Variants in SMC4 observed in about 807,000 individuals in gnomAD.
SMC4 encodes structural maintenance of chromosomes 4.
Under a neutral mutation model 145.6 loss-of-function variants are expected in SMC4, and 87 were observed. That is an observed-to-expected ratio of 0.60 (90% CI 0.50 to 0.71). The LOEUF (loss-of-function observed/expected upper bound fraction) is 0.71. Ranked by LOEUF, SMC4 falls within the 30% of genes least tolerant of loss-of-function variation. SMC4 has a pLI of 0.00. For synonymous variants in SMC4, 558 were observed against 500.7 expected (o/e 1.11, Z -1.53); for missense variants, 1,447 against 1,537.1 (o/e 0.94, Z 0.98).
At position 160,414,476 on chromosome 3, in the gene SMC4, G is replaced by A; in HGVS notation, c.1231G>A (p.Ala411Thr). 1 of 1,611,278 alleles carries A rather than the reference G, an allele frequency of 6.2e-7. No individual in the cohort carries two copies. Among genetic ancestry groups the A allele is most frequent in the Non-Finnish European group, 8.5e-7 (1 of 1,179,330 alleles). Residue 411 changes from alanine (A) to threonine (T), a missense_variant, in exon 9 of 24, where the codon GCC (alanine) becomes ACC (threonine). Transcript: ENST00000357388. ...AAAGTTAAAACATGCCACGAGTAAAGCCAAAAAACTGGAGAAACAACTTCA... is the reference window on the plus strand; with the variant it reads ...AAAGTTAAAACATGCCACGAGTAAAACCAAAAAACTGGAGAAACAACTTCA... ...REKLKHATSK[A>T]KKLEKQLQKD...
rs988654816 is a variant in SMC4, at chr3:160,417,887, C to T, written c.1602C>T (p.Leu534=). 8 of 1,613,422 alleles carry T rather than the reference C, an allele frequency of 5.0e-6. No homozygotes were observed. Among genetic ancestry groups the T allele is most frequent in the Non-Finnish European group, 6.8e-6 (8 of 1,179,760 alleles). ...KEALIAASET[L]KERKAAIRDI... ...CTCTAATTGCAGCTTCTGAGACTCTCAAAGAAAGGAAAGCTGCAATCAGAG... is the reference window on the plus strand; with the variant it reads ...CTCTAATTGCAGCTTCTGAGACTCTTAAAGAAAGGAAAGCTGCAATCAGAG... The change falls in exon 11 of 24, where the codon CTC becomes CTT. Residue 534 remains leucine, a synonymous_variant. Transcript: ENST00000357388.
chr3:160,428,955 T>C lies in SMC4; in HGVS notation c.2795+13T>C, dbSNP rs778056276. The C allele has an allele frequency of 1.5e-5, 24 of 1,557,380 alleles. No individual in the cohort carries two copies. The highest frequency in any genetic ancestry group is 8.6e-5 in the South Asian group (7 of 81,766). ...AGACTGCTGACAGGTAGAGTATGCA[T>C]GTTACCCTAACTTGTTTTCCCTTTC... On this transcript the variant is annotated intron_variant, in intron 18 of 23. Transcript: ENST00000357388.
Position 160,433,853 on chromosome 3 carries a change from AT to A in SMC4, c.*51del, listed in dbSNP as rs772016913. 7.7e-6 allele frequency: 11 copies of A among 1,436,138 alleles called. No homozygotes were observed. The highest frequency in any genetic ancestry group is 7.0e-5 in the East Asian group (3 of 42,760). 89.0% of individuals were successfully genotyped at this position (1,436,138 alleles called of 1,614,324 possible). On this transcript the variant is annotated 3_prime_UTR_variant, in exon 24 of 24. Transcript: ENST00000357388. ...TTCAAGTTGATTCAGTGTATTACTG[AT>A]TTTTTTCTATTTGTAAAGGATTATG...
chr3:160,401,218 G>A (rs373866328), intron 2 of SMC4, among the ~76,000 whole-genome samples: 1 of 151,920 alleles, frequency 6.6e-6, no homozygotes, highest in Non-Finnish European at 1.5e-5. Flanking sequence ...GTGACCTGTG[G>A]AATGGTACAG....
Position 160,424,885 on chromosome 3 carries a change from C to G in SMC4, c.2344C>G (p.Gln782Glu). 2 of 1,613,832 alleles carry G rather than the reference C, an allele frequency of 1.2e-6. No homozygotes were observed. Among genetic ancestry groups the G allele is most frequent in the Non-Finnish European group, 1.7e-6 (2 of 1,179,916 alleles). The change falls in exon 16 of 24, where the codon CAG becomes GAG. Residue 782 changes from glutamine (Q) to glutamate (E), a missense_variant. Physicochemically the swap from Gln to Glu is conservative, Grantham distance 29. Coordinates refer to ENST00000357388, the MANE Select transcript of SMC4 (RefSeq NM_001002800.3). ...SEEEVNKMESQLQNDSKKAMQ... is the reference protein window; with the variant it reads ...SEEEVNKMESELQNDSKKAMQ... Reference sequence around the variant, plus strand: ...TTTGTAGGTAAACAAAATGGAATCACAGTTGCAAAACGACTCTAAAAAAGC... The same window carrying G: ...TTTGTAGGTAAACAAAATGGAATCAGAGTTGCAAAACGACTCTAAAAAAGC...
chr3:160,420,663 G>A, intron 12 of SMC4, 77 bp from the exon 13 acceptor site: 1 of 1,508,560 alleles, frequency 6.6e-7, no homozygotes, highest in Non-Finnish European at 9.0e-7. Context: ...ATTAAAAGAA[G>A]TTTTTAAAAC....
rs959496214 is a variant in SMC4 at position 160,431,973 on chromosome 3, C to T, written c.3297+148C>T. 43 of 791,168 alleles carry T rather than the reference C, an allele frequency of 5.4e-5. 1 individual carries two copies. Among genetic ancestry groups the T allele is most frequent in the Admixed American group, 4.6e-4 (14 of 30,524 alleles). The allele number at this position is 791,168 out of a possible 1,614,324, so 49.0% of individuals were successfully genotyped here. A position where few individuals can be genotyped will look rare whatever the true frequency, so the allele number is the denominator to read the frequency against. On this transcript the variant is annotated intron_variant, in intron 21 of 23. Coordinates refer to ENST00000357388, the MANE Select transcript of SMC4 (RefSeq NM_001002800.3). ...TCCCAGCACTTTGGGAGGCCAAAGG[C>T]GGGTGGATCACAAGGTCAGGAGTTC...
chr3:160,409,748 T>TA (rs1331660544), intron 5 of SMC4, among the ~76,000 whole-genome samples: 2 of 152,166 alleles, frequency 1.3e-5, no homozygotes, highest in Non-Finnish European at 2.9e-5. Flanking sequence ...ATTTGGATGA[T>TA]AAACACTAAC....
In SMC4 at chr3:160,412,310, C is replaced by G; in HGVS notation, c.853-16C>G. On this transcript the variant is annotated splice_polypyrimidine_tract_variant and intron_variant, in intron 6 of 23. Transcript: ENST00000357388. ...ATGAAGTGTGTATTCAGTCTTTAAA[C>G]TTTTAATTTCTGTAGTTAAACAGGG... 6.3e-7 allele frequency: 1 copy of G among 1,580,346 alleles called. No homozygotes were observed. The highest frequency in any genetic ancestry group is 2.2e-5 in the East Asian group (1 of 44,596).
chr3:160,428,589 T>C (rs1718044104), intron 17 of SMC4, among the ~76,000 whole-genome samples, 164 bp from the exon 18 acceptor site: 1 of 152,192 alleles, frequency 6.6e-6, no homozygotes, highest in Non-Finnish European at 1.5e-5. Flanking sequence ...ACCATTTGTT[T>C]TGATACAGGA....
At chr3:160,423,706 T>C in intron 14 of SMC4, 55 bp from the exon 15 acceptor site, 1 of 1,599,782 alleles carries the variant, frequency 6.3e-7, no homozygotes, top group Non-Finnish European at 8.5e-7. Flanking sequence ...GCATTGACTT[T>C]ATTTAATCTT....
chr3:160,421,129 CTG>C (rs1294507721), intron 13 of SMC4, among the ~76,000 whole-genome samples: 1 of 151,840 alleles, frequency 6.6e-6, no homozygotes, highest in Non-Finnish European at 1.5e-5. Flanking sequence ...AGGGGTTTCA[CTG>C]TGTTAGCCAG....
intron 9 of SMC4, among the ~76,000 whole-genome samples, chr3:160,415,095 G>A (rs940038910): frequency 6.6e-6 from 1 of 152,186 alleles, no homozygotes; most frequent in Non-Finnish European, 1.5e-5. Context: ...ATGTTGGCCA[G>A]GCACAATGGC....
rs557656182 is a variant in SMC4 at position 160,431,688 on chromosome 3, G to C, written c.3160G>C (p.Glu1054Gln). 2 of 1,610,030 alleles carry C rather than the reference G, an allele frequency of 1.2e-6. No homozygotes were observed. The highest frequency in any genetic ancestry group is 1.7e-6 in the Non-Finnish European group (2 of 1,179,150). Reference protein sequence around the residue: ...LHPIEDNPIEEISVLSPEDLE... With the variant: ...LHPIEDNPIEQISVLSPEDLE... ...TCCTATAGAAGATAATCCTATTGAA[G>C]AGATTTCGGTTCTAAGCCCAGAGGA... The change falls in exon 21 of 24, where the codon GAG (glutamate) becomes CAG (glutamine). Residue 1054 changes from glutamate to glutamine, a missense_variant. Transcript: ENST00000357388.
chr3:160,418,047 T>C (rs1348505235), intron 11 of SMC4, 91 bp downstream of exon 11: 1 of 988,084 alleles, frequency 1.0e-6, no homozygotes, highest in Non-Finnish European at 1.5e-6. Context: ...CAGAGGTGAC[T>C]AGTGATAAAT....
Position 160,434,284 on chromosome 3 carries a change from A to G in SMC4, c.*475A>G, listed in dbSNP as rs1718747125. 6.6e-6 allele frequency: 1 copy of G among 152,490 alleles called. No homozygotes were observed. The highest frequency in any genetic ancestry group is 6.5e-5 in the Admixed American group (1 of 15,280). The allele number at this position is 152,490 out of a possible 1,614,324, so 9.4% of individuals were successfully genotyped here. ...TATTTTTGTAAACCAGTCATTCTGA[A>G]TTATAGTGATGAGAATTTAAATATA... On this transcript the variant is annotated 3_prime_UTR_variant, in exon 24 of 24. Transcript: ENST00000357388.
At chr3:160,403,871 G>A (rs1261553841) in intron 4 of SMC4, 3 of 152,170 alleles carry the variant, frequency 2.0e-5, no homozygotes, top group East Asian at 3.9e-4. Flanking sequence ...TAAATTAACG[G>A]CACACTCTTT....
chr3:160,410,048 C>G (rs886752756), intron 5 of SMC4, among the ~76,000 whole-genome samples: 6 of 152,128 alleles, frequency 3.9e-5, no homozygotes, highest in Admixed American at 6.5e-5. Flanking sequence ...TGTACTCCAG[C>G]TTAGGTGACA....
chr3:160,414,486 T>C lies in SMC4; in HGVS notation c.1241T>C (p.Leu414Pro). The change falls in exon 9 of 24, where the codon CTG becomes CCG. Residue 414 changes from leucine (L) to proline (P), a missense_variant. Coordinates refer to ENST00000357388, the MANE Select transcript of SMC4 (RefSeq NM_001002800.3). ...LKHATSKAKK[L>P]EKQLQKDKEK... ...CATGCCACGAGTAAAGCCAAAAAAC[T>C]GGAGAAACAACTTCAAAAAGATAAA... 1 of 1,611,228 alleles carries C rather than the reference T, an allele frequency of 6.2e-7. No homozygotes were observed.
Sources: gnomAD v4.1 joint callset for allele counts (sites outside exome capture counted in the v4.1 genomes callset) on GRCh38, gnomAD v4.1.1 for gene constraint, MANE v1.5 for transcripts, NCBI Gene and HGNC (gene_info 2026-07-23, HGNC 2026-07-21) for gene names.